PDE4B: variants seen among roughly 807,000 people sequenced by gnomAD.
PDE4B encodes the protein phosphodiesterase 4B, also known as 3',5'-cyclic-AMP phosphodiesterase 4B.
PDE4B carries 20 observed loss-of-function variants against 82.2 expected under a neutral mutation model. That is an observed-to-expected ratio of 0.24 (90% confidence interval 0.17 to 0.35). PDE4B has a LOEUF of 0.35. Ranked by LOEUF, PDE4B falls within the 10% of genes least tolerant of loss-of-function variation. PDE4B has a pLI of 1.00. For missense variants in PDE4B, 655 were observed against 907.2 expected (o/e 0.72, Z 3.57); for synonymous variants, 320 against 318.9 (o/e 1.00, Z -0.04).
chr1:65,965,658 C>G (rs1225383899), intron 3 of PDE4B, among the ~76,000 whole-genome samples: 1 of 151,928 alleles, frequency 6.6e-6, no homozygotes, highest in Non-Finnish European at 1.5e-5. Flanking sequence ...ATTAATAGAT[C>G]AAGGTAAAAC....
At chr1:66,365,816 C>A in intron 13 of PDE4B, 50 bp downstream of exon 13, 1 of 1,067,172 alleles carries the variant, frequency 9.4e-7, no homozygotes, top group Non-Finnish European at 1.4e-6. Flanking sequence ...TGATTCACTG[C>A]TTAATTTTTT....
chr1:65,898,035 G>A (rs1646930072), intron 1 of PDE4B, among the ~76,000 whole-genome samples: 1 of 152,084 alleles, frequency 6.6e-6, no homozygotes, highest in Admixed American at 6.6e-5. Flanking sequence ...TATTCTGGCT[G>A]GTGTGAGATA....
chr1:66,318,792 T>C (rs1659193145), intron 7 of PDE4B, among the ~76,000 whole-genome samples: 1 of 152,236 alleles, frequency 6.6e-6, no homozygotes. Flanking sequence ...CATCATTTTT[T>C]CATACAAAGA....
At chr1:66,210,612 A>AAG (rs1649958492) in intron 3 of PDE4B, among the ~76,000 whole-genome samples, 1 of 150,682 alleles carries the variant, frequency 6.6e-6, no homozygotes, top group African/African-American at 2.4e-5. Context: ...AAAAAAAAAA[A>AAG]AAAAAAAGAA....
chr1:66,302,479 A>G (rs1657966295), intron 7 of PDE4B, among the ~76,000 whole-genome samples: 1 of 152,144 alleles, frequency 6.6e-6, no homozygotes, highest in East Asian at 1.9e-4. Flanking sequence ...TGGATGGGCA[A>G]TTGAGGTGGA....
intron 3 of PDE4B, among the ~76,000 whole-genome samples, chr1:66,149,294 C>T (rs926444674): frequency 5.3e-5 from 8 of 151,994 alleles, no homozygotes; most frequent in Non-Finnish European, 1.2e-4. Flanking sequence ...CTATCTAAAT[C>T]CCCATTTAAA....
At chr1:66,322,975 A>G (rs1659514350) in intron 7 of PDE4B, among the ~76,000 whole-genome samples, 1 of 152,118 alleles carries the variant, frequency 6.6e-6, no homozygotes, top group Non-Finnish European at 1.5e-5. Context: ...TCCTGTAGAT[A>G]TGGGGCTCTT....
chr1:66,091,411 TG>T (rs751531310), intron 3 of PDE4B, among the ~76,000 whole-genome samples: 2 of 152,070 alleles, frequency 1.3e-5, no homozygotes, highest in East Asian at 1.9e-4. Flanking sequence ...GCTCACTGAG[TG>T]TCTCTGTTTA....
At chr1:66,173,227 G>C (rs530680542) in intron 3 of PDE4B, among the ~76,000 whole-genome samples, 2 of 152,310 alleles carry the variant, frequency 1.3e-5, no homozygotes, top group South Asian at 2.1e-4. Context: ...GATGTTCTAA[G>C]ACACGAGAAG....
chr1:66,295,941 G>A (rs535554269), intron 7 of PDE4B, among the ~76,000 whole-genome samples: 11 of 152,056 alleles, frequency 7.2e-5, no homozygotes, highest in African/African-American at 2.2e-4. Flanking sequence ...GCAACTTCTC[G>A]AACACCATAC....
chr1:66,191,769 C>T (rs934495716), intron 3 of PDE4B, among the ~76,000 whole-genome samples: 1 of 152,128 alleles, frequency 6.6e-6, no homozygotes, highest in African/African-American at 2.4e-5. Flanking sequence ...CACAGTTCCA[C>T]GTGGCTGGGG....
intron 3 of PDE4B, among the ~76,000 whole-genome samples, chr1:66,192,166 T>A (rs1647869489): frequency 6.6e-6 from 1 of 152,186 alleles, no homozygotes; most frequent in Non-Finnish European, 1.5e-5. Flanking sequence ...TAGGGCCTTG[T>A]GTCCAAAACT....
intron 3 of PDE4B, among the ~76,000 whole-genome samples, chr1:66,033,359 A>G (rs1002396784): frequency 1.9e-4 from 29 of 152,060 alleles, no homozygotes; most frequent in African/African-American, 6.3e-4. Flanking sequence ...CTGTCCTCCA[A>G]GCCATCTTTC....
intron 3 of PDE4B, among the ~76,000 whole-genome samples, chr1:66,063,819 A>C (rs887044041): frequency 6.6e-6 from 1 of 152,020 alleles, no homozygotes; most frequent in Admixed American, 6.6e-5. Flanking sequence ...AAATAAATGA[A>C]TGATCAAGGC....
At chr1:65,895,549 C>CAAAAAAAAAAAAAAAAAAAAAAAAAAA (rs10605148) in intron 1 of PDE4B, among the ~76,000 whole-genome samples, 2 of 91,998 alleles carry the variant, frequency 2.2e-5, no homozygotes, top group African/African-American at 4.5e-5. Flanking sequence ...GACACTGTCT[C>CAAAAAAAAAAAAAAAAAAAAAAAAAAA]AAAAAAAAAA....
chr1:66,266,669 C>G (rs1440239402), intron 7 of PDE4B: 2 of 524,732 alleles, frequency 3.8e-6, no homozygotes, highest in Non-Finnish European at 7.8e-6. Context: ...TCTCATCTTT[C>G]AGGACAGTGC....
At chr1:66,190,221 G>A (rs112286862) in intron 3 of PDE4B, among the ~76,000 whole-genome samples, 1,768 of 152,264 alleles carry the variant, frequency 0.012, 30 homozygotes, top group African/African-American at 0.041. Context: ...GTACCTGGCC[G>A]TGTGAGATGT....
At chr1:66,010,068 T>C (rs893819807) in intron 3 of PDE4B, among the ~76,000 whole-genome samples, 1 of 151,914 alleles carries the variant, frequency 6.6e-6, no homozygotes, top group African/African-American at 2.4e-5. Flanking sequence ...TCCTCAAAAC[T>C]AGAACACATG....
chr1:66,048,008 C>T (rs1232642955), intron 3 of PDE4B, among the ~76,000 whole-genome samples: 7 of 151,860 alleles, frequency 4.6e-5, no homozygotes, highest in Non-Finnish European at 1.0e-4. Context: ...CTTTGGATGG[C>T]GTCTACAGTT....
Sources: gnomAD v4.1 joint callset for allele counts (sites outside exome capture counted in the v4.1 genomes callset) on GRCh38, gnomAD v4.1.1 for gene constraint, MANE v1.5 for transcripts, NCBI Gene and HGNC (gene_info 2026-07-23, HGNC 2026-07-21) for gene names.